Variants in ZBBX observed in about 807,000 individuals in gnomAD.
The protein encoded by ZBBX is zinc finger B-box domain containing.
Under a neutral mutation model 108.5 loss-of-function variants are expected in ZBBX, and 101 were observed. The observed-to-expected ratio is 0.93, with a 90% CI of 0.79 to 1.10. ZBBX has a LOEUF of 1.10. ZBBX is among the 50% of genes least tolerant of loss of function. The pLI is 0.00. For synonymous variants in ZBBX, 356 were observed against 323.4 expected (o/e 1.10, Z -1.08); for missense variants, 1,009 against 941.4 (o/e 1.07, Z -0.94).
At chr3:167,207,069 T>C in the ZBBX span, among the ~76,000 whole-genome samples, 4 of 152,326 alleles carry the variant, frequency 2.6e-5, no homozygotes, top group African/African-American at 9.6e-5. Flanking sequence ...GATATTTGCA[T>C]TGGCAATACT....
chr3:167,273,313 C>T (rs1726873199), intron 20 of ZBBX, among the ~76,000 whole-genome samples: 1 of 152,182 alleles, frequency 6.6e-6, no homozygotes, highest in Non-Finnish European at 1.5e-5. Context: ...GTGCACATGG[C>T]TGGCCAGAGG....
chr3:167,381,958 G>A (rs146009100), upstream of ZBBX, among the ~76,000 whole-genome samples: 48 of 152,282 alleles, frequency 3.2e-4, 1 homozygote, highest in East Asian at 7.5e-3. Flanking sequence ...AAAGACATGG[G>A]CCACTAGAGG....
chr3:167,341,077 A>T (rs1740455398), intron 9 of ZBBX, among the ~76,000 whole-genome samples: 1 of 151,968 alleles, frequency 6.6e-6, no homozygotes, highest in African/African-American at 2.4e-5. Context: ...TGCTTATTCC[A>T]ACATCATGTA....
the ZBBX span, among the ~76,000 whole-genome samples, chr3:167,188,379 A>G: frequency 6.6e-6 from 1 of 152,198 alleles, no homozygotes; most frequent in Non-Finnish European, 1.5e-5. Flanking sequence ...CAGATTGTGT[A>G]AAACGATGTG....
At chr3:167,348,585 A>T (rs1319288541) in intron 9 of ZBBX, among the ~76,000 whole-genome samples, 1 of 152,092 alleles carries the variant, frequency 6.6e-6, no homozygotes, top group Non-Finnish European at 1.5e-5. Context: ...ATGTCAAAAC[A>T]TCAAATTATG....
chr3:167,252,134 G>A (rs1377791260), intron 20 of ZBBX: 6 of 1,287,980 alleles, frequency 4.7e-6, no homozygotes, highest in Non-Finnish European at 6.1e-6. Flanking sequence ...ACCTAATGTA[G>A]TTATTTTCTG....
intron 4 of ZBBX, among the ~76,000 whole-genome samples, chr3:167,370,624 C>A (rs968324769): frequency 6.6e-6 from 1 of 152,098 alleles, no homozygotes; most frequent in South Asian, 2.1e-4. Context: ...ACTGACCAAG[C>A]GGTCAAGTTT....
At chr3:167,345,909 T>C (rs1361692458) in intron 9 of ZBBX, among the ~76,000 whole-genome samples, 9 of 151,880 alleles carry the variant, frequency 5.9e-5, no homozygotes, top group African/African-American at 2.4e-5. Context: ...GGTTTCTCCT[T>C]TTCAGTTAAG....
At chr3:167,195,041 T>A in the ZBBX span, among the ~76,000 whole-genome samples, 7 of 152,148 alleles carry the variant, frequency 4.6e-5, no homozygotes, top group African/African-American at 1.2e-4. Context: ...TTCTACACAG[T>A]CTCCAGAAAC....
chr3:167,191,934 T>TATAGAGAGAGAGAGAGAGAG, the ZBBX span, among the ~76,000 whole-genome samples: 12 of 130,218 alleles, frequency 9.2e-5, no homozygotes, highest in African/African-American at 3.3e-4. Context: ...TATATATATA[T>TATAGAGAGAGAGAGAGAGAG]AGAGCAAGTT....
At chr3:167,242,735 C>T (rs1720897100) in intron 20 of ZBBX, 92 bp from the exon 21 acceptor site, 2 of 1,121,224 alleles carry the variant, frequency 1.8e-6, no homozygotes, top group Admixed American at 3.2e-5. Context: ...GAGTAAATTA[C>T]AGGCAATACA....
chr3:167,276,578 G>C (rs1054196268), intron 20 of ZBBX, among the ~76,000 whole-genome samples: 2 of 152,164 alleles, frequency 1.3e-5, no homozygotes, highest in Non-Finnish European at 2.9e-5. Flanking sequence ...AAGCCTCCAA[G>C]AAATATGGGA....
intron 1 of ZBBX, among the ~76,000 whole-genome samples, chr3:167,389,134 C>T (rs953806556): frequency 6.6e-6 from 1 of 151,944 alleles, no homozygotes; most frequent in Non-Finnish European, 1.5e-5. Flanking sequence ...CCCTTGCCCC[C>T]GACCACCTGA....
the ZBBX span, among the ~76,000 whole-genome samples, chr3:167,227,605 T>G: frequency 6.6e-6 from 1 of 151,736 alleles, no homozygotes; most frequent in Admixed American, 6.6e-5. Flanking sequence ...CGTGGTCACC[T>G]TTTAAACTCT....
chr3:167,184,836 C>A, the ZBBX span, among the ~76,000 whole-genome samples: 1 of 152,340 alleles, frequency 6.6e-6, no homozygotes, highest in Admixed American at 6.5e-5. Flanking sequence ...TACACCTAAA[C>A]AGGCTGAGTG....
At chr3:167,245,219 C>A (rs1358991880) in intron 20 of ZBBX, among the ~76,000 whole-genome samples, 2 of 152,138 alleles carry the variant, frequency 1.3e-5, no homozygotes, top group African/African-American at 4.8e-5. Context: ...CAAGACCATC[C>A]TGGCCCACAC....
chr3:167,359,995 T>A lies in ZBBX; in HGVS notation c.323-16A>T. 7.1e-7 allele frequency: 1 copy of A among 1,406,810 alleles called. No homozygotes were observed. Among genetic ancestry groups the A allele is most frequent in the South Asian group, 1.3e-5 (1 of 77,906 alleles). 87.1% of individuals were successfully genotyped at this position (1,406,810 alleles called of 1,614,324 possible). ...TTCACTGGCTCTGCAAGATAAAAAA[T>A]AATATTACTCCAATCATTTAAAAAT... On this transcript the variant is annotated splice_polypyrimidine_tract_variant and intron_variant, in intron 7 of 21. Coordinates refer to ENST00000675490, the MANE Select transcript of ZBBX (RefSeq NM_001199201.2).
At chr3:167,400,271 A>G (rs1165025965) in intron 1 of ZBBX, among the ~76,000 whole-genome samples, 1 of 152,068 alleles carries the variant, frequency 6.6e-6, no homozygotes, top group Non-Finnish European at 1.5e-5. Flanking sequence ...GTTTTTTTAG[A>G]AATCTCCAAA....
chr3:167,268,256 G>C (rs1164697369), intron 20 of ZBBX, among the ~76,000 whole-genome samples: 1 of 151,712 alleles, frequency 6.6e-6, no homozygotes, highest in Non-Finnish European at 1.5e-5. Flanking sequence ...AGCAGATCAA[G>C]TTGATCAATC....
Sources: gnomAD v4.1 joint callset for allele counts (sites outside exome capture counted in the v4.1 genomes callset) on GRCh38, gnomAD v4.1.1 for gene constraint, MANE v1.5 for transcripts, NCBI Gene and HGNC (gene_info 2026-07-23, HGNC 2026-07-21) for gene names.